VIPR2: variants seen among roughly 807,000 people sequenced by gnomAD.
VIPR2 encodes vasoactive intestinal peptide receptor 2.
In VIPR2, 48 loss-of-function variants were observed where a neutral mutation model predicts 58.0. That is an observed-to-expected ratio of 0.83 (90% CI 0.66 to 1.05). The LOEUF (loss-of-function observed/expected upper bound fraction) is 1.05, where lower values mean the gene tolerates loss of function less well. Among genes scored for constraint, VIPR2 ranks in the 50% least tolerant of loss-of-function variants. The pLI, the probability that VIPR2 is intolerant of heterozygous loss-of-function variation, is 0.00. For missense variants in VIPR2, 534 were observed against 558.0 expected (o/e 0.96, Z 0.43); for synonymous variants, 243 against 235.2 (o/e 1.03, Z -0.30).
chr7:159,101,133 G>C (rs1181744729), intron 4 of VIPR2, among the ~76,000 whole-genome samples: 6 of 143,388 alleles, frequency 4.2e-5, no homozygotes, highest in Admixed American at 4.2e-4. Flanking sequence ...TCCTGTGGTA[G>C]TGAATGAGTC....
rs962781852 is a variant in VIPR2, at chr7:159,030,367, G to A, written c.*249C>T. 1.2e-4 allele frequency: 47 copies of A among 386,636 alleles called. 1 individual carries two copies. Among genetic ancestry groups the A allele is most frequent in the Admixed American group, 1.8e-4 (4 of 21,840 alleles). 24.0% of individuals were successfully genotyped at this position (386,636 alleles called of 1,614,324 possible). On this transcript the variant is annotated 3_prime_UTR_variant, in exon 13 of 13. Transcript: ENST00000262178. The stretch of plus-strand genomic sequence containing the variant: ...CAAAAAAAAAAAAAAAAAAAAAAGT[G>A]GATCCACTATACGGCTGAAACACAT...
intron 4 of VIPR2, among the ~76,000 whole-genome samples, chr7:159,088,551 C>A (rs916457859): frequency 6.6e-6 from 1 of 152,246 alleles, no homozygotes; most frequent in South Asian, 2.1e-4. Flanking sequence ...CACACCTATA[C>A]ACCTGCAAGG....
chr7:159,065,197 G>C (rs776940534), intron 4 of VIPR2, among the ~76,000 whole-genome samples: 10 of 152,214 alleles, frequency 6.6e-5, no homozygotes, highest in Non-Finnish European at 1.2e-4. Flanking sequence ...CTGTGTTTCT[G>C]AGTTGTTCTA....
chr7:159,129,113 A>G (rs1287791057), intron 2 of VIPR2, among the ~76,000 whole-genome samples: 3 of 131,980 alleles, frequency 2.3e-5, no homozygotes, highest in Non-Finnish European at 5.2e-5. Context: ...GAGCAGCTTC[A>G]CACTCTGTTC....
chr7:159,043,196 G>A lies in VIPR2; in HGVS notation c.456-20C>T, dbSNP rs777757524. On this transcript the variant is annotated intron_variant, in intron 5 of 12. Transcript: ENST00000262178. Reference sequence around the variant, plus strand: ...AGCTTCCTGAGGTGGGGGAGTGGGAGAGAGAGGAATTGGAGGGGGAAGGGG... The same window carrying A: ...AGCTTCCTGAGGTGGGGGAGTGGGAAAGAGAGGAATTGGAGGGGGAAGGGG... 2 of 1,579,192 alleles carry A rather than the reference G, an allele frequency of 1.3e-6. No individual in the cohort carries two copies. Among genetic ancestry groups the A allele is most frequent in the African/African-American group, 1.4e-5 (1 of 73,746 alleles).
intron 3 of VIPR2, among the ~76,000 whole-genome samples, chr7:159,106,535 AGGAGGGGCAGAGAGAGGCCAG>A (rs1563333623): frequency 1.6e-4 from 8 of 48,756 alleles, no homozygotes; most frequent in Middle Eastern, 0.02. Flanking sequence ...AGAGAGGCCA[AGGAGGGGCAGAGAGAGGCCAG>A]GGAGGGGCAG....
intron 3 of VIPR2, among the ~76,000 whole-genome samples, chr7:159,106,797 G>A (rs1274804739): frequency 5.7e-5 from 8 of 140,688 alleles, no homozygotes; most frequent in Admixed American, 2.1e-4. Flanking sequence ...GAGAGAGGCC[G>A]GGGAGGTACA....
rs1563350370 is a variant in VIPR2, at chr7:159,127,669, T to C, written c.151+14777A>G. On this transcript the variant is annotated intron_variant, in intron 2 of 12. Coordinates refer to ENST00000262178, the MANE Select transcript of VIPR2 (RefSeq NM_003382.5). This position sits in a 1 kb window ranked among gnomAD's most constrained non-coding sequence, Gnocchi z 4.6. ...CCTCGGGGCCCTCAGCTTTGGCATG[T>C]AAACGCATGTGGGCATCAGGAAAAT... Among the ~76,000 whole-genome samples the C allele has an allele frequency of 6.6e-6, 1 of 152,198 alleles. No individual in the cohort carries two copies. The highest frequency in any genetic ancestry group is 1.5e-5 in the Non-Finnish European group (1 of 68,018).
chr7:159,114,552 T>C (rs761428288), intron 2 of VIPR2, among the ~76,000 whole-genome samples: 1 of 152,194 alleles, frequency 6.6e-6, no homozygotes, highest in Non-Finnish European at 1.5e-5. Context: ...AGTTACTTGG[T>C]AAAATTCAGT....
chr7:159,050,961 T>A (rs945281173), intron 5 of VIPR2, among the ~76,000 whole-genome samples: 1 of 152,218 alleles, frequency 6.6e-6, no homozygotes, highest in African/African-American at 2.4e-5. Context: ...ACATCTTTAA[T>A]GTGGTGAGAG....
At chr7:159,036,340 G>A (rs1307490027) in intron 7 of VIPR2, among the ~76,000 whole-genome samples, 8 of 152,226 alleles carry the variant, frequency 5.3e-5, no homozygotes, top group African/African-American at 9.6e-5. Context: ...TATCGGCTAC[G>A]TTTGCCTCAT....
chr7:159,109,784 G>A (rs1028940743), intron 3 of VIPR2, 28 bp downstream of exon 3: 4 of 1,600,674 alleles, frequency 2.5e-6, no homozygotes, highest in South Asian at 2.2e-5. Flanking sequence ...CCCTGGAGGA[G>A]CTCAGGAACT....
intron 3 of VIPR2, among the ~76,000 whole-genome samples, chr7:159,106,227 AGAAGAT>A (rs2129496068): frequency 6.6e-6 from 1 of 152,386 alleles, no homozygotes; most frequent in East Asian, 1.9e-4. Flanking sequence ...ACCAATCCAA[AGAAGAT>A]GCTGAAATAA....
intron 4 of VIPR2, among the ~76,000 whole-genome samples, chr7:159,066,090 T>C (rs1403046884): frequency 4.0e-5 from 6 of 150,620 alleles, no homozygotes; most frequent in African/African-American, 1.5e-4. Context: ...AGGATGCCTG[T>C]TCCTGCAGCG....
intron 4 of VIPR2, among the ~76,000 whole-genome samples, chr7:159,067,761 T>A (rs879448571): frequency 1.1e-4 from 17 of 152,224 alleles, no homozygotes; most frequent in Non-Finnish European, 1.9e-4. Context: ...AAAGAAGGAT[T>A]TGAAAGACCT....
rs1280385667 is a variant in VIPR2, at chr7:159,031,870, C to T, written c.1102-1G>A. On this transcript the variant is annotated splice_acceptor_variant, in intron 11 of 12. Coordinates refer to ENST00000262178, the MANE Select transcript of VIPR2 (RefSeq NM_003382.5). LOFTEE classifies it high-confidence loss of function. The surrounding 1 kb of genome is among the most constrained non-coding windows in gnomAD (Gnocchi z 4.0). ...AGTAGAGGACGGCCACCACCAGGCC[C>T]TGCAATGAGAAGAGATGGTCAGGCA... 6.2e-7 allele frequency: 1 copy of T among 1,613,980 alleles called. No homozygotes were observed. Among genetic ancestry groups the T allele is most frequent in the African/African-American group, 1.3e-5 (1 of 74,932 alleles).
chr7:159,088,663 G>C (rs1442004942), intron 4 of VIPR2, among the ~76,000 whole-genome samples: 1 of 152,234 alleles, frequency 6.6e-6, no homozygotes, highest in East Asian at 1.9e-4. Flanking sequence ...GGATTTCTTG[G>C]AGAAGCCACT....
At chr7:159,144,579 G>T (rs1315485816) in intron 1 of VIPR2, 142 bp downstream of exon 1, 1 of 1,411,952 alleles carries the variant, frequency 7.1e-7, no homozygotes, top group Admixed American at 2.7e-5. Context: ...TCCGGACCCC[G>T]GGCGACCCCG....
At chr7:159,144,279 C>A in intron 1 of VIPR2, 1 of 1,359,270 alleles carries the variant, frequency 7.4e-7, no homozygotes, top group Non-Finnish European at 9.5e-7. Context: ...CGCCACGTCC[C>A]CCCGACACTA....
Sources: gnomAD v4.1 joint callset for allele counts (sites outside exome capture counted in the v4.1 genomes callset) on GRCh38, gnomAD v4.1.1 for gene constraint, Gnocchi (gnomAD v3.1) non-coding constraint, MANE v1.5 for transcripts, NCBI Gene and HGNC (gene_info 2026-07-23, HGNC 2026-07-21) for gene names.